Variants in UBE2E1 observed in about 807,000 individuals in gnomAD.
The protein encoded by UBE2E1 is ubiquitin conjugating enzyme E2 E1.
UBE2E1 carries 6 observed loss-of-function variants against 21.4 expected under a neutral mutation model. The ratio of observed to expected loss-of-function variants is 0.28; its 90% CI spans 0.15 to 0.55. UBE2E1 has a LOEUF of 0.55. UBE2E1 is among the 20% of genes least tolerant of loss of function. UBE2E1 has a pLI of 0.93. For synonymous variants in UBE2E1, 87 were observed against 82.7 expected, an observed-to-expected ratio of 1.05 and a Z score of -0.28; for missense variants, 142 against 236.5, an observed-to-expected ratio of 0.60 and a Z score of 2.62.
At position 23,887,618 on chromosome 3, in the gene UBE2E1, G is replaced by A. The variant is rs1182180900; in HGVS notation, c.255G>A (p.Gly85=). ...ATGAATGGAGATCAACCATTCTAGG[G>A]CCTCCAGGATCCGTGTATGAGGGTG... ...NIYEWRSTIL[G]PPGSVYEGGV... is the part of the protein sequence containing the mutation. Residue 85 remains glycine (G), a synonymous_variant, in exon 4 of 6, where the codon GGG becomes GGA. Coordinates refer to ENST00000306627, the MANE Select transcript of UBE2E1 (RefSeq NM_003341.5). The surrounding 1 kb of genome is among the most constrained non-coding windows in gnomAD (Gnocchi z 4.4). 1 of 1,614,020 alleles carries A rather than the reference G, an allele frequency of 6.2e-7. No individual in the cohort carries two copies. The highest frequency in any genetic ancestry group is 1.1e-5 in the South Asian group (1 of 91,054).
At chr3:23,832,361 G>A (rs942358355) in intron 3 of UBE2E1, among the ~76,000 whole-genome samples, 2 of 152,150 alleles carry the variant, frequency 1.3e-5, no homozygotes, top group Non-Finnish European at 2.9e-5. Context: ...AGAGGTGTGG[G>A]GGGCTGGGCG....
At chr3:23,874,904 AC>A (rs946753143) in intron 3 of UBE2E1, among the ~76,000 whole-genome samples, 3 of 151,708 alleles carry the variant, frequency 2.0e-5, no homozygotes, top group Admixed American at 6.6e-5. Flanking sequence ...CTTGCCACCT[AC>A]CCCCACGACT....
Position 23,863,785 on chromosome 3 carries a change from C to T in UBE2E1, c.204-23782C>T, listed in dbSNP as rs1036479802. On this transcript the variant is annotated intron_variant, in intron 3 of 5. Transcript: ENST00000306627. The surrounding 1 kb of genome is among the most constrained non-coding windows in gnomAD (Gnocchi z 4.3). ...TCTCAGGTCATCCACCCACCTCAGC[C>T]TCCCAAAGTGCTGGGATTACAGGCG... is the stretch of plus-strand genomic sequence containing the variant. Among the ~76,000 whole-genome samples, 5 of 152,190 alleles carry T rather than the reference C, an allele frequency of 3.3e-5. No homozygotes were observed. The highest frequency in any genetic ancestry group is 1.9e-4 in the East Asian group (1 of 5,194).
intron 3 of UBE2E1, among the ~76,000 whole-genome samples, chr3:23,857,195 C>T (rs1700461285): frequency 6.6e-6 from 1 of 151,268 alleles, no homozygotes; most frequent in Non-Finnish European, 1.5e-5. Flanking sequence ...GAAAGCTGGC[C>T]CAGCAGCCTG....
chr3:23,857,317 A>C (rs1700464250), intron 3 of UBE2E1, among the ~76,000 whole-genome samples: 1 of 152,148 alleles, frequency 6.6e-6, no homozygotes, highest in Admixed American at 6.5e-5. Context: ...CTGTTAAAGT[A>C]AAAGAGGAAT....
rs1477137531 is a variant in UBE2E1 at position 23,842,266 on chromosome 3, C to T, written c.203+30756C>T. On this transcript the variant is annotated intron_variant, in intron 3 of 5. Transcript: ENST00000306627. The surrounding 1 kb of genome is among the most constrained non-coding windows in gnomAD (Gnocchi z 4.6). ...GTGTGTGTGGTGTTGTTGTTGTTGG[C>T]GACAGGGTCTCAATTCGTCGCCTAG... 1.1e-5 allele frequency among the ~76,000 whole-genome samples: 1 copy of T among 86,990 alleles called. No homozygotes were observed. The highest frequency in any genetic ancestry group is 4.1e-4 in the South Asian group (1 of 2,436). 57.1% of individuals were successfully genotyped at this position (86,990 alleles called of 152,430 possible).
chr3:23,811,635 G>A (rs1315234458), intron 3 of UBE2E1, 125 bp downstream of exon 3: 2 of 851,406 alleles, frequency 2.3e-6, no homozygotes, highest in Non-Finnish European at 3.7e-6. Context: ...CTAACATCAC[G>A]TAACAGCTGA....
chr3:23,879,062 T>A, intron 3 of UBE2E1: 1 of 502,588 alleles, frequency 2.0e-6, no homozygotes, highest in South Asian at 1.6e-5. Context: ...TTGCCAACAA[T>A]GTATCAGTTC....
intron 3 of UBE2E1, among the ~76,000 whole-genome samples, chr3:23,852,424 G>A (rs571500629): frequency 6.6e-6 from 1 of 152,256 alleles, no homozygotes; most frequent in East Asian, 1.9e-4. Flanking sequence ...CTCACGGGTA[G>A]TATATAGCGA....
intron 3 of UBE2E1, among the ~76,000 whole-genome samples, chr3:23,818,509 TA>T (rs1699575031): frequency 6.6e-6 from 1 of 152,152 alleles, no homozygotes; most frequent in Non-Finnish European, 1.5e-5. Flanking sequence ...CAGGAGATGT[TA>T]AAAGAATGAT....
At position 23,838,586 on chromosome 3, in the gene UBE2E1, G is replaced by C. The variant is rs72627011; in HGVS notation, c.203+27076G>C. 2.8e-3 allele frequency among the ~76,000 whole-genome samples: 433 copies of C among 151,934 alleles called. 10 individuals are homozygous for C. In the East Asian group the frequency reaches 0.045, roughly 16 times the overall value. On this transcript the variant is annotated intron_variant, in intron 3 of 5. Transcript: ENST00000306627. The stretch of plus-strand genomic sequence containing the variant: ...CTCAGCTCACTGCAACCTCCGCCCT[G>C]CAGGGTTCAGGAGATTTCTCCTGCC...
chr3:23,859,649 C>G (rs1186306913), intron 3 of UBE2E1, among the ~76,000 whole-genome samples: 4 of 152,220 alleles, frequency 2.6e-5, no homozygotes, highest in Admixed American at 6.5e-5. Flanking sequence ...AGGTTAATTA[C>G]TTAAAGTCTC....
At chr3:23,868,746 G>T in intron 3 of UBE2E1, among the ~76,000 whole-genome samples, 1 of 150,030 alleles carries the variant, frequency 6.7e-6, no homozygotes. Flanking sequence ...CTCAATAATT[G>T]GAATCTGTTT....
chr3:23,881,117 TCAGTTAA>T (rs1220667649), intron 3 of UBE2E1, among the ~76,000 whole-genome samples: 14 of 152,194 alleles, frequency 9.2e-5, no homozygotes, highest in African/African-American at 3.4e-4. Flanking sequence ...GAGTTTCCTA[TCAGTTAA>T]CAGACACAGC....
Position 23,880,824 on chromosome 3 carries a change from CTAG to C in UBE2E1, c.204-6740_204-6738del, listed in dbSNP as rs1482884400. ...GTCAGTCCAGGGAACACAACAGATT[CTAG>C]TAAGACTGTGCTAATGACAGTCTTT... is the stretch of plus-strand genomic sequence containing the variant. On this transcript the variant is annotated intron_variant, in intron 3 of 5. Transcript: ENST00000306627. 3.3e-5 allele frequency among the ~76,000 whole-genome samples: 5 copies of C among 152,188 alleles called. No individual in the cohort carries two copies. The East Asian group carries it at 9.6e-4, about 29-fold the overall frequency.
Position 23,816,103 on chromosome 3 carries a change from A to G in UBE2E1, c.203+4593A>G, listed in dbSNP as rs1011232729. 8.5e-5 allele frequency among the ~76,000 whole-genome samples: 13 copies of G among 152,206 alleles called. No homozygotes were observed. The highest frequency in any genetic ancestry group is 4.6e-4 in the Admixed American group (7 of 15,286). Reference sequence around the variant, plus strand: ...AAGTCTTGTGGCGGTTGTGTTTACCAAAAGACTATATCTGGATTGTAAAAC... The same window carrying G: ...AAGTCTTGTGGCGGTTGTGTTTACCGAAAGACTATATCTGGATTGTAAAAC... On this transcript the variant is annotated intron_variant, in intron 3 of 5. Transcript: ENST00000306627. This position sits in a 1 kb window ranked among gnomAD's most constrained non-coding sequence, Gnocchi z 4.8.
At chr3:23,809,620 T>C (rs959062781) in intron 2 of UBE2E1, among the ~76,000 whole-genome samples, 4 of 152,248 alleles carry the variant, frequency 2.6e-5, no homozygotes, top group African/African-American at 9.6e-5. Flanking sequence ...ATAAAGCTTT[T>C]TGGTATTAAC....
At chr3:23,874,790 G>A (rs1700880627) in intron 3 of UBE2E1, among the ~76,000 whole-genome samples, 1 of 152,164 alleles carries the variant, frequency 6.6e-6, no homozygotes, top group Non-Finnish European at 1.5e-5. Context: ...TGGCTTTCAA[G>A]ACACAAGGGA....
chr3:23,882,970 G>A (rs1038253046), intron 3 of UBE2E1, among the ~76,000 whole-genome samples: 1 of 152,218 alleles, frequency 6.6e-6, no homozygotes, highest in Non-Finnish European at 1.5e-5. Context: ...AGCCAGCACA[G>A]AGAGGGGCTC....
Sources: allele counts gnomAD v4.1 joint callset (sites outside exome capture counted in the v4.1 genomes callset), GRCh38; gene constraint gnomAD v4.1.1; non-coding constraint Gnocchi (gnomAD v3.1); transcripts MANE v1.5; gene names NCBI Gene and HGNC (gene_info 2026-07-23, HGNC 2026-07-21).